Variants in OPCML observed in about 807,000 individuals in gnomAD.
The protein encoded by OPCML is opioid binding protein/cell adhesion molecule like.
In OPCML, 13 loss-of-function variants were observed where a neutral mutation model predicts 37.8. That is an observed-to-expected ratio of 0.34 (90% CI 0.22 to 0.55). The LOEUF is 0.55. OPCML is among the 20% of genes least tolerant of loss of function. The pLI, the probability that OPCML is intolerant of heterozygous loss-of-function variation, is 0.91. For synonymous variants in OPCML, 176 were observed against 168.8 expected, an observed-to-expected ratio of 1.04 and a Z score of -0.33; for missense variants, 341 against 435.6, an observed-to-expected ratio of 0.78 and a Z score of 1.93.
intron 1 of OPCML, among the ~76,000 whole-genome samples, chr11:133,194,462 G>A (rs1363560396): frequency 2.6e-5 from 4 of 151,956 alleles, no homozygotes; most frequent in African/African-American, 9.7e-5. Context: ...TGCCCACCTT[G>A]GCCTCCCAAA....
chr11:133,528,846 G>A (rs1030889412), intron 1 of OPCML, among the ~76,000 whole-genome samples: 5 of 152,022 alleles, frequency 3.3e-5, no homozygotes, highest in African/African-American at 9.7e-5. Flanking sequence ...GTCACAAGAC[G>A]AAGGAGATAC....
chr11:132,598,513 A>G (rs2096496130), intron 3 of OPCML, among the ~76,000 whole-genome samples: 1 of 152,194 alleles, frequency 6.6e-6, no homozygotes, highest in African/African-American at 2.4e-5. Context: ...GTATCAACAC[A>G]TTCTTTTTAA....
At chr11:132,566,093 G>T (rs558922395) in intron 3 of OPCML, among the ~76,000 whole-genome samples, 2 of 152,276 alleles carry the variant, frequency 1.3e-5, no homozygotes, top group South Asian at 2.1e-4. Context: ...CATCTATTAA[G>T]CCCCCAATAT....
chr11:133,337,554 C>T (rs1320124029), intron 1 of OPCML, among the ~76,000 whole-genome samples: 2 of 152,160 alleles, frequency 1.3e-5, no homozygotes, highest in Admixed American at 1.3e-4. Context: ...CACTTTAGTG[C>T]CTTTACCTGC....
intron 2 of OPCML, among the ~76,000 whole-genome samples, chr11:132,938,181 T>A (rs1188687548): frequency 6.6e-6 from 1 of 152,124 alleles, no homozygotes; most frequent in Non-Finnish European, 1.5e-5. Context: ...AACCAATACT[T>A]ATTTGTTGTA....
intron 1 of OPCML, among the ~76,000 whole-genome samples, chr11:133,192,834 C>T (rs1169606443): frequency 6.6e-6 from 1 of 151,434 alleles, no homozygotes; most frequent in Non-Finnish European, 1.5e-5. Flanking sequence ...AACCTCCAAT[C>T]AACAGCATTA....
At chr11:133,481,628 T>A (rs753735525) in intron 1 of OPCML, among the ~76,000 whole-genome samples, 1 of 152,138 alleles carries the variant, frequency 6.6e-6, no homozygotes, top group Non-Finnish European at 1.5e-5. Flanking sequence ...TAGGTTTTAT[T>A]CCACTATGAA....
intron 2 of OPCML, among the ~76,000 whole-genome samples, chr11:132,673,525 T>C (rs1942568272): frequency 6.6e-6 from 1 of 152,056 alleles, no homozygotes; most frequent in African/African-American, 2.4e-5. Flanking sequence ...ATTGAGCTCA[T>C]CAACTGCACC....
chr11:133,305,007 A>G (rs928083231), intron 1 of OPCML, among the ~76,000 whole-genome samples: 25 of 152,206 alleles, frequency 1.6e-4, no homozygotes, highest in African/African-American at 5.3e-4. Flanking sequence ...ACTGCAACTC[A>G]GATGGAGTAA....
chr11:132,737,407 A>G (rs908165877), intron 2 of OPCML, among the ~76,000 whole-genome samples: 2 of 152,210 alleles, frequency 1.3e-5, no homozygotes, highest in African/African-American at 4.8e-5. Flanking sequence ...TCGACACATC[A>G]TATAGTCTAT....
chr11:132,727,440 G>T (rs1944925928), intron 2 of OPCML, among the ~76,000 whole-genome samples: 1 of 152,174 alleles, frequency 6.6e-6, no homozygotes, highest in East Asian at 1.9e-4. Flanking sequence ...GCCAGCCAGG[G>T]CTCTCCTGGG....
At chr11:132,619,725 G>C (rs928837096) in intron 3 of OPCML, among the ~76,000 whole-genome samples, 15 of 150,450 alleles carry the variant, frequency 1.0e-4, no homozygotes, top group African/African-American at 3.7e-4. Flanking sequence ...GGTGGCGGGC[G>C]CCTGTAGTCC....
At chr11:133,140,597 G>GAA (rs1158075955) in intron 1 of OPCML, among the ~76,000 whole-genome samples, 16 of 146,176 alleles carry the variant, frequency 1.1e-4, no homozygotes, top group African/African-American at 3.8e-4. Context: ...AAAGAAAGAA[G>GAA]AAAGAAGAAA....
At chr11:132,954,542 T>C (rs1244668203) in intron 1 of OPCML, among the ~76,000 whole-genome samples, 1 of 152,104 alleles carries the variant, frequency 6.6e-6, no homozygotes. Flanking sequence ...CCCAGAGACA[T>C]AGTAAGAATA....
chr11:132,785,121 C>T (rs1947164333), intron 2 of OPCML, among the ~76,000 whole-genome samples: 1 of 152,120 alleles, frequency 6.6e-6, no homozygotes, highest in South Asian at 2.1e-4. Flanking sequence ...TATTGTATTA[C>T]AAGAACCTGA....
intron 1 of OPCML, among the ~76,000 whole-genome samples, chr11:133,161,887 C>T (rs1007183151): frequency 6.6e-6 from 1 of 151,932 alleles, no homozygotes; most frequent in African/African-American, 2.4e-5. Flanking sequence ...TTTTCAAAAC[C>T]CAGCACAGTG....
intron 2 of OPCML, among the ~76,000 whole-genome samples, chr11:132,663,259 T>C (rs963299511): frequency 6.6e-6 from 1 of 152,212 alleles, no homozygotes; most frequent in Non-Finnish European, 1.5e-5. Context: ...AGGTCATCAA[T>C]ACATATTTAT....
At chr11:133,155,880 A>G (rs7108146) in intron 1 of OPCML, among the ~76,000 whole-genome samples, 45,001 of 151,726 alleles carry the variant, frequency 0.3, 6,799 homozygotes, top group South Asian at 0.35. Context: ...TCCTCTCACC[A>G]CCCATATCCA....
intron 1 of OPCML, among the ~76,000 whole-genome samples, chr11:133,026,974 T>G (rs1042888011): frequency 1.3e-5 from 2 of 152,202 alleles, no homozygotes; most frequent in African/African-American, 4.8e-5. Context: ...TGGAGAATTC[T>G]AAGAGTTGAG....
Sources: allele counts gnomAD v4.1 joint callset (sites outside exome capture counted in the v4.1 genomes callset), GRCh38; gene constraint gnomAD v4.1.1; transcripts MANE v1.5; gene names NCBI Gene and HGNC (gene_info 2026-07-23, HGNC 2026-07-21).